The following C5orf47 variants were observed in gnomAD, a reference collection of about 807,000 sequenced individuals.
The protein encoded by C5orf47 is chromosome 5 open reading frame 47.
C5orf47 carries 20 observed loss-of-function variants against 20.6 expected under a neutral mutation model. The observed-to-expected ratio is 0.97, with a 90% CI of 0.68 to 1.41. C5orf47 has a LOEUF of 1.41. Ranked by LOEUF, C5orf47 falls within the 40% of genes most tolerant of loss-of-function variation. C5orf47 has a pLI of 0.00. For missense variants in C5orf47, 262 were observed against 238.4 expected (o/e 1.10, Z -0.65); for synonymous variants, 106 against 97.3 (o/e 1.09, Z -0.53).
Position 173,998,518 on chromosome 5 carries a change from A to G in C5orf47, c.411+280A>G, listed in dbSNP as rs917182590. Reference sequence around the variant, plus strand: ...TGGAGGATTTTTCAAAGCATGATATATGTTCCACAGAATATAATAAACTGT... The same window carrying G: ...TGGAGGATTTTTCAAAGCATGATATGTGTTCCACAGAATATAATAAACTGT... On this transcript the variant is annotated intron_variant, in intron 2 of 4. Transcript: ENST00000340147. Among the ~76,000 whole-genome samples, 36 of 152,242 alleles carry G rather than the reference A, an allele frequency of 2.4e-4. 1 individual carries two copies. Among genetic ancestry groups the G allele is most frequent in the Non-Finnish European group, 2.8e-4 (19 of 68,034 alleles).
At chr5:173,992,078 G>A (rs868301487) in intron 1 of C5orf47, among the ~76,000 whole-genome samples, 27 of 152,150 alleles carry the variant, frequency 1.8e-4, no homozygotes, top group African/African-American at 4.3e-4. Context: ...TTCCAAATTC[G>A]TTTGCATAGA....
intron 2 of C5orf47, among the ~76,000 whole-genome samples, chr5:173,999,212 C>T (rs1759152931): frequency 6.6e-6 from 1 of 152,100 alleles, no homozygotes; most frequent in South Asian, 2.1e-4. Context: ...TTGTTTGATT[C>T]TATAATCCTT....
downstream of C5orf47, among the ~76,000 whole-genome samples, chr5:174,006,520 A>G (rs759570262): frequency 6.6e-6 from 1 of 152,238 alleles, no homozygotes; most frequent in Non-Finnish European, 1.5e-5. Context: ...CATAGGAACT[A>G]ATTAAATTCA....
chr5:173,992,281 C>G (rs1759012755), intron 1 of C5orf47, among the ~76,000 whole-genome samples: 1 of 149,748 alleles, frequency 6.7e-6, no homozygotes, highest in South Asian at 2.1e-4. Context: ...GATACAGTGC[C>G]TCACACCTCT....
intron 3 of C5orf47, among the ~76,000 whole-genome samples, chr5:174,000,241 A>C (rs1329445564): frequency 6.6e-6 from 1 of 152,122 alleles, no homozygotes; most frequent in African/African-American, 2.4e-5. Context: ...TTTAACAAAG[A>C]TCTACCCTTG....
chr5:174,002,537 A>G (rs1336240679), intron 4 of C5orf47, among the ~76,000 whole-genome samples: 1 of 152,170 alleles, frequency 6.6e-6, no homozygotes, highest in African/African-American at 2.4e-5. Flanking sequence ...GCACTCCAGT[A>G]TATTGTTTAC....
At chr5:173,994,811 GTTTGTT>G (rs1169301864) in intron 1 of C5orf47, among the ~76,000 whole-genome samples, 2 of 152,046 alleles carry the variant, frequency 1.3e-5, no homozygotes, top group South Asian at 4.2e-4. Flanking sequence ...TGTACTTAAT[GTTTGTT>G]TTTGTTTTTG....
rs1402238392 is a variant in C5orf47, at chr5:174,005,429, G to A, written c.*1175G>A. 1 of 152,346 alleles carries A rather than the reference G, an allele frequency of 6.6e-6. No homozygotes were observed. The highest frequency in any genetic ancestry group is 1.5e-5 in the Non-Finnish European group (1 of 68,024). 9.4% of individuals were successfully genotyped at this position (152,346 alleles called of 1,614,324 possible). On this transcript the variant is annotated 3_prime_UTR_variant, in exon 5 of 5. Transcript: ENST00000340147. ...TTAATTACTTCAGGAGACTACGACAGTGTAGAATTTGTGGTAACATGATCT... is the reference window on the plus strand; with the variant it reads ...TTAATTACTTCAGGAGACTACGACAATGTAGAATTTGTGGTAACATGATCT...
chr5:173,990,307 G>C (rs905323063), intron 1 of C5orf47, among the ~76,000 whole-genome samples: 3 of 147,390 alleles, frequency 2.0e-5, no homozygotes, highest in East Asian at 2.0e-4. Context: ...GACATGGGGG[G>C]CGGGGGGGTC....
At chr5:174,001,324 T>C in intron 4 of C5orf47, 93 bp downstream of exon 4, 2 of 705,146 alleles carry the variant, frequency 2.8e-6, no homozygotes, top group Non-Finnish European at 4.8e-6. Flanking sequence ...GTATAACCAA[T>C]CATTGCTAAT....
chr5:173,995,017 A>G (rs1759063999), intron 1 of C5orf47, among the ~76,000 whole-genome samples: 1 of 152,034 alleles, frequency 6.6e-6, no homozygotes. Context: ...TTCAACATGT[A>G]GGCCAGGCTG....
intron 1 of C5orf47, among the ~76,000 whole-genome samples, chr5:173,994,930 C>T (rs965647935): frequency 3.9e-5 from 6 of 152,116 alleles, no homozygotes; most frequent in African/African-American, 1.4e-4. Context: ...TCTCCTGCCT[C>T]AGCCTCCCAA....
At chr5:174,001,948 TTTTTTTTTTC>T (rs993851165) in intron 4 of C5orf47, among the ~76,000 whole-genome samples, 4 of 135,002 alleles carry the variant, frequency 3.0e-5, no homozygotes, top group African/African-American at 1.2e-4. Flanking sequence ...ATCTTTTTTC[TTTTTTTTTTC>T]TTTTTTTTTT....
rs1758940055 is a variant in C5orf47, at chr5:173,989,495, C to G, written c.232C>G (p.Pro78Ala). Residue 78 changes from proline to alanine, a missense_variant, in exon 1 of 5, where the codon CCC becomes GCC. Pro to Ala is a conservative substitution (Grantham distance 27, BLOSUM62 -1). Coordinates refer to ENST00000340147, the MANE Select transcript of C5orf47 (RefSeq NM_001144954.2). Reference protein sequence around the residue: ...ELPLGSQLRVPTTPGVEAAAS... With the variant: ...ELPLGSQLRVATTPGVEAAAS... ...GCCCCTCGGTTCCCAGCTCAGGGTC[C>G]CCACGACCCCTGGTGTGGAGGCTGC... The G allele has an allele frequency of 6.5e-7, 1 of 1,546,350 alleles. No homozygotes were observed. Among genetic ancestry groups the G allele is most frequent in the Non-Finnish European group, 8.7e-7 (1 of 1,145,168 alleles).
At chr5:173,989,709 G>A (rs1420131659) in intron 1 of C5orf47, 121 bp downstream of exon 1, 4 of 933,396 alleles carry the variant, frequency 4.3e-6, no homozygotes, top group Admixed American at 4.2e-5. Context: ...CTGTCAGGCC[G>A]TGTTGCGAGC....
intron 1 of C5orf47, among the ~76,000 whole-genome samples, chr5:173,992,020 A>G (rs913475220): frequency 2.0e-5 from 3 of 152,142 alleles, no homozygotes; most frequent in African/African-American, 7.2e-5. Context: ...TAATAGGTCA[A>G]TTTTAGTAAT....
At chr5:173,994,058 C>G (rs1389588781) in intron 1 of C5orf47, among the ~76,000 whole-genome samples, 1 of 152,144 alleles carries the variant, frequency 6.6e-6, no homozygotes, top group Non-Finnish European at 1.5e-5. Flanking sequence ...GTCCAGATAC[C>G]TGAAGAAGTG....
intron 4 of C5orf47, among the ~76,000 whole-genome samples, chr5:174,002,669 A>G (rs1759220133): frequency 6.6e-6 from 1 of 152,150 alleles, no homozygotes. Context: ...TAACCACACT[A>G]CAGTTATCAA....
chr5:173,993,598 C>T (rs536385826), intron 1 of C5orf47, among the ~76,000 whole-genome samples: 1 of 152,090 alleles, frequency 6.6e-6, no homozygotes, highest in African/African-American at 2.4e-5. Flanking sequence ...GAGCTGAGAT[C>T]GTGCCACTGC....
Sources: allele counts gnomAD v4.1 joint callset (sites outside exome capture counted in the v4.1 genomes callset), GRCh38; gene constraint gnomAD v4.1.1; transcripts MANE v1.5; gene names NCBI Gene and HGNC (gene_info 2026-07-23, HGNC 2026-07-21).